EHF: variants seen among roughly 807,000 people sequenced by gnomAD.
EHF encodes ESE3 transcription factor.
A neutral mutation model predicts 45.1 loss-of-function variants in EHF; 14 were observed. The ratio of observed to expected loss-of-function variants is 0.31; its 90% confidence interval spans 0.21 to 0.49. EHF has a LOEUF of 0.49. EHF is among the 20% of genes least tolerant of loss of function. The pLI, the probability that EHF is intolerant of heterozygous loss-of-function variation, is 0.99. For missense variants in EHF, 282 were observed against 371.4 expected, an observed-to-expected ratio of 0.76 and a Z score of 1.98; for synonymous variants, 136 against 131.8, an observed-to-expected ratio of 1.03 and a Z score of -0.22.
At chr11:34,637,633 G>C (rs1853572538) in intron 1 of EHF, among the ~76,000 whole-genome samples, 3 of 152,178 alleles carry the variant, frequency 2.0e-5, no homozygotes, top group Admixed American at 1.3e-4. Flanking sequence ...CAAGAAGCCT[G>C]GCATGTTGTA....
Position 34,642,618 on chromosome 11 carries a change from C to T in EHF, c.-3-10C>T. 1 of 1,585,976 alleles carries T rather than the reference C, an allele frequency of 6.3e-7. No homozygotes were observed. ...GCACTGACTGAACAGGCTGTTTGAT[C>T]CCCTAACAGATCATGATTCTGGAAG... On this transcript the variant is annotated splice_polypyrimidine_tract_variant and intron_variant, in intron 1 of 8. Transcript: ENST00000257831.
At chr11:34,623,102 T>G (rs1852093961) in intron 1 of EHF, among the ~76,000 whole-genome samples, 1 of 152,220 alleles carries the variant, frequency 6.6e-6, no homozygotes, top group Non-Finnish European at 1.5e-5. Context: ...TTTTTGGTTT[T>G]TTTTTGAGAT....
intron 1 of EHF, among the ~76,000 whole-genome samples, chr11:34,633,120 G>A (rs1853054973): frequency 6.6e-6 from 1 of 152,172 alleles, no homozygotes; most frequent in South Asian, 2.1e-4. Flanking sequence ...GAGATCCTCT[G>A]CAAGCGCTAT....
intron 6 of EHF, among the ~76,000 whole-genome samples, chr11:34,653,309 T>A (rs1424546779): frequency 6.6e-6 from 1 of 152,138 alleles, no homozygotes; most frequent in Non-Finnish European, 1.5e-5. Context: ...AACAAAAACA[T>A]CATAGTTACA....
In EHF at chr11:34,662,310, A is replaced by G. The variant is rs1455477876; in HGVS notation, c.*3379A>G. ...CTTCAAGGACATATTATCTACTATG[A>G]ACATTTTACTGTGAGACTCTTTATT... On this transcript the variant is annotated 3_prime_UTR_variant, in exon 9 of 9. Coordinates refer to ENST00000257831, the MANE Select transcript of EHF (RefSeq NM_012153.6). 1.3e-5 allele frequency among the ~76,000 whole-genome samples: 2 copies of G among 152,036 alleles called. No individual in the cohort carries two copies. The highest frequency in any genetic ancestry group is 2.9e-5 in the Non-Finnish European group (2 of 67,990).
intron 1 of EHF, chr11:34,631,528 C>T: frequency 1.0e-6 from 1 of 975,920 alleles, no homozygotes; most frequent in African/African-American, 1.8e-5. Flanking sequence ...TGGATTAGGA[C>T]AGAAATCACA....
intron 1 of EHF, among the ~76,000 whole-genome samples, chr11:34,628,739 G>A (rs1007444698): frequency 6.6e-6 from 1 of 152,142 alleles, no homozygotes; most frequent in Non-Finnish European, 1.5e-5. Context: ...GTAGTGCATG[G>A]AACAAAGACA....
chr11:34,660,949 C>T lies in EHF; in HGVS notation c.*2018C>T, dbSNP rs564740559. On this transcript the variant is annotated 3_prime_UTR_variant, in exon 9 of 9. Transcript: ENST00000257831. The stretch of plus-strand genomic sequence containing the variant: ...GTGATCTTGGAGCACACATGAATAA[C>T]TTTCTGAAGGTGCAACCAAATCCAT... The T allele has an allele frequency of 2.6e-5, 4 of 152,268 alleles. No individual in the cohort carries two copies. The highest frequency in any genetic ancestry group is 1.9e-4 in the East Asian group (1 of 5,186). The allele number at this position is 152,268 out of a possible 1,614,324, so 9.4% of individuals were successfully genotyped here.
At chr11:34,645,899 G>A (rs556971268) in intron 2 of EHF, among the ~76,000 whole-genome samples, 1 of 152,242 alleles carries the variant, frequency 6.6e-6, no homozygotes, top group East Asian at 1.9e-4. Context: ...ACTAGGCTGG[G>A]GCAGTGGGAT....
chr11:34,633,706 C>G (rs902331083), intron 1 of EHF, among the ~76,000 whole-genome samples: 1 of 152,072 alleles, frequency 6.6e-6, no homozygotes, highest in Non-Finnish European at 1.5e-5. Context: ...GCCTCAAAAG[C>G]CTCTGTGATG....
At chr11:34,653,838 T>C (rs1283904115) in intron 6 of EHF, among the ~76,000 whole-genome samples, 2 of 152,234 alleles carry the variant, frequency 1.3e-5, no homozygotes, top group Non-Finnish European at 2.9e-5. Context: ...TAATGCTAGT[T>C]ACCAGCTGAG....
At position 34,626,970 on chromosome 11, in the gene EHF, T is replaced by C. The variant is rs138397711; in HGVS notation, c.-4+5742T>C. Among the ~76,000 whole-genome samples the C allele has an allele frequency of 5.3e-5, 8 of 152,286 alleles. No homozygotes were observed. In the East Asian group the frequency reaches 1.5e-3, roughly 29 times the overall value. ...TTGTAAAGATTAAATTAACAAAGAA[T>C]GTGAAAGCACCTGAACAAAAGCTTG... On this transcript the variant is annotated intron_variant, in intron 1 of 8. Coordinates refer to ENST00000257831, the MANE Select transcript of EHF (RefSeq NM_012153.6).
In EHF at chr11:34,646,477, C is replaced by T; in HGVS notation, c.136C>T (p.His46Tyr). The T allele has an allele frequency of 3.1e-6, 5 of 1,614,130 alleles. No individual in the cohort carries two copies. Among genetic ancestry groups the T allele is most frequent in the Non-Finnish European group, 4.2e-6 (5 of 1,179,994 alleles). ...GFFGGQWHEI[H>Y]PQYWTKYQVW... ...TTTTGGAGGCCAGTGGCATGAAATT[C>T]ATCCTCAGTACTGGACCAAGTACCA... Residue 46 changes from histidine to tyrosine, a missense_variant, in exon 3 of 9, where the codon CAT becomes TAT. Coordinates refer to ENST00000257831, the MANE Select transcript of EHF (RefSeq NM_012153.6).
At chr11:34,657,276 A>G (rs1855759764) in intron 7 of EHF, among the ~76,000 whole-genome samples, 1 of 152,184 alleles carries the variant, frequency 6.6e-6, no homozygotes, top group Non-Finnish European at 1.5e-5. Context: ...CTCTCCCAGA[A>G]GAAAAGGGTG....
intron 1 of EHF, among the ~76,000 whole-genome samples, chr11:34,622,816 GA>G (rs1462818080): frequency 6.6e-6 from 1 of 152,102 alleles, no homozygotes; most frequent in Admixed American, 6.5e-5. Context: ...AGTTGAACTT[GA>G]AAAAATAATA....
intron 1 of EHF, among the ~76,000 whole-genome samples, chr11:34,633,277 G>A (rs768962249): frequency 6.6e-6 from 1 of 152,184 alleles, no homozygotes; most frequent in Non-Finnish European, 1.5e-5. Context: ...TCTGCAGATG[G>A]ATTAGAGGTT....
chr11:34,638,086 G>C (rs1026740082), intron 1 of EHF, among the ~76,000 whole-genome samples: 4 of 152,072 alleles, frequency 2.6e-5, no homozygotes, highest in African/African-American at 9.7e-5. Context: ...ATTTTTAGTA[G>C]AGACAGGGTT....
At chr11:34,648,997 T>C (rs758213492) in intron 3 of EHF, 22 bp from the exon 4 acceptor site, 1 of 1,610,180 alleles carries the variant, frequency 6.2e-7, no homozygotes, top group South Asian at 1.1e-5. Flanking sequence ...CCTCTCTGAC[T>C]ATCCCAATCT....
rs1856061615 is a variant in EHF at position 34,661,239 on chromosome 11, CTG to C, written c.*2318_*2319del. 6.6e-6 allele frequency among the ~76,000 whole-genome samples: 1 copy of C among 152,164 alleles called. No homozygotes were observed. Among genetic ancestry groups the C allele is most frequent in the South Asian group, 2.1e-4 (1 of 4,816 alleles). On this transcript the variant is annotated 3_prime_UTR_variant, in exon 9 of 9. Transcript: ENST00000257831. Reference sequence around the variant, plus strand: ...GTATAACGCATGAATATTTGTGTGTCTGTGTGTGTGTCTGAGTTGTGTGATTT... The same window carrying C: ...GTATAACGCATGAATATTTGTGTGTCTGTGTGTGTCTGAGTTGTGTGATTT...
Sources: allele counts gnomAD v4.1 joint callset (sites outside exome capture counted in the v4.1 genomes callset), GRCh38; gene constraint gnomAD v4.1.1; transcripts MANE v1.5; gene names NCBI Gene and HGNC (gene_info 2026-07-23, HGNC 2026-07-21).